The following PCDHGA5 variants were observed in gnomAD, a reference collection of about 807,000 sequenced individuals.
PCDHGA5 encodes the protein protocadherin gamma subfamily A, 5, also known as protocadherin gamma-A5.
Under a neutral mutation model 56.7 loss-of-function variants are expected in PCDHGA5, and 36 were observed. That is an observed-to-expected ratio of 0.64 (90% CI 0.49 to 0.84). The LOEUF is 0.84. PCDHGA5 is among the 40% of genes least tolerant of loss of function. PCDHGA5 has a pLI of 0.00. For synonymous variants in PCDHGA5, 563 were observed against 520.2 expected (o/e 1.08, Z -1.12); for missense variants, 1,305 against 1,201.5 (o/e 1.09, Z -1.27).
Position 141,490,070 on chromosome 5 carries a change from T to C in PCDHGA5, c.2422-4737T>C, listed in dbSNP as rs2099695766. ...CCAGACGAGGGCACCAACGGCCAAC[T>C]AGACTATTCTTTTGGAGACCACACA... On this transcript the variant is annotated intron_variant, in intron 1 of 3. Transcript: ENST00000518069. The surrounding 1 kb of genome is among the most constrained non-coding windows in gnomAD (Gnocchi z 5.4). The C allele has an allele frequency of 6.2e-7, 1 of 1,614,198 alleles. No individual in the cohort carries two copies.
chr5:141,375,160 T>G (rs373409677), intron 1 of PCDHGA5: 1 of 1,613,854 alleles, frequency 6.2e-7, no homozygotes, highest in African/African-American at 1.3e-5. Flanking sequence ...TTGCTGAAAG[T>G]GCACCTCCAG....
chr5:141,396,295 AG>A (rs1561657375), intron 1 of PCDHGA5: 1 of 151,978 alleles, frequency 6.6e-6, no homozygotes, highest in African/African-American at 2.4e-5. Flanking sequence ...ACTCCAGCCT[AG>A]GTGGCAGAAC....
rs773840884 is a variant in PCDHGA5 at position 141,372,185 on chromosome 5, C to A, written c.2421+5434C>A. 4 of 1,613,630 alleles carry A rather than the reference C, an allele frequency of 2.5e-6. No individual in the cohort carries two copies. The South Asian group carries it at 4.4e-5, about 18-fold the overall frequency. The stretch of plus-strand genomic sequence containing the variant: ...CCAAGGTGGTGGCGGTGGACGCAGA[C>A]TCGGGATACAACGCCTGGCTGTCCT... On this transcript the variant is annotated intron_variant, in intron 1 of 3. Transcript: ENST00000518069.
At chr5:141,393,972 C>G in intron 1 of PCDHGA5, 1 of 1,613,790 alleles carries the variant, frequency 6.2e-7, no homozygotes, top group South Asian at 1.1e-5. Flanking sequence ...CTGTTACACA[C>G]GTGATAATTT....
rs61612330 is a variant in PCDHGA5, at chr5:141,454,796, A to ATTTTTTTTTTTTTTTTT, written c.2422-39998_2422-39982dup. Among the ~76,000 whole-genome samples the ATTTTTTTTTTTTTTTTT allele has an allele frequency of 1.9e-3, 147 of 77,454 alleles. 11 individuals carry two copies. Among genetic ancestry groups the ATTTTTTTTTTTTTTTTT allele is most frequent in the Middle Eastern group, 0.017 (2 of 120 alleles). 50.8% of individuals were successfully genotyped at this position (77,454 alleles called of 152,430 possible). ...AAGGAAATAATCCTCCATGGTTCTA[A>ATTTTTTTTTTTTTTTTT]TTTTTTTTTTTTTTTTTTTTTTTTT... On this transcript the variant is annotated intron_variant, in intron 1 of 3. Coordinates refer to ENST00000518069, the MANE Select transcript of PCDHGA5 (RefSeq NM_018918.3).
chr5:141,415,594 G>A (rs753362668), intron 1 of PCDHGA5: 1 of 1,613,866 alleles, frequency 6.2e-7, no homozygotes, highest in Non-Finnish European at 8.5e-7. Context: ...TCCTATAGAG[G>A]ATACCCCATT....
chr5:141,394,018 A>T (rs2092900242), intron 1 of PCDHGA5: 1 of 1,613,496 alleles, frequency 6.2e-7, no homozygotes. Flanking sequence ...GGTAATTATT[A>T]TAGATTAGTG....
chr5:141,438,054 T>C (rs1451843979), intron 1 of PCDHGA5, among the ~76,000 whole-genome samples: 2 of 152,182 alleles, frequency 1.3e-5, no homozygotes, highest in African/African-American at 4.8e-5. Flanking sequence ...TTGAGTTCAC[T>C]TTTAAGAAAC....
intron 1 of PCDHGA5, chr5:141,383,737 T>TC: frequency 6.2e-7 from 1 of 1,613,998 alleles, no homozygotes; most frequent in Non-Finnish European, 8.5e-7. Flanking sequence ...AGTGACATAT[T>TC]CTTTTCGGAA....
At chr5:141,389,304 GCTT>G (rs762969573) in intron 1 of PCDHGA5, 2 of 1,614,006 alleles carry the variant, frequency 1.2e-6, no homozygotes, top group Non-Finnish European at 1.7e-6. Context: ...ACAAGTCAGG[GCTT>G]CTGATCCGGA....
chr5:141,489,229 G>A lies in PCDHGA5; in HGVS notation c.2422-5578G>A, dbSNP rs1188849525. 5.9e-6 allele frequency: 9 copies of A among 1,522,134 alleles called. No homozygotes were observed. In the Admixed American group the frequency reaches 6.4e-5, roughly 11 times the overall value. 94.3% of individuals were successfully genotyped at this position (1,522,134 alleles called of 1,614,324 possible). On this transcript the variant is annotated intron_variant, in intron 1 of 3. Transcript: ENST00000518069. The surrounding 1 kb of genome is among the most constrained non-coding windows in gnomAD (Gnocchi z 4.5). The stretch of plus-strand genomic sequence containing the variant: ...AGCACAGACTTACTCTCCACAAAGG[G>A]ACTTCTGGGTCATGGGGCCCAAGAC...
chr5:141,422,355 T>A, intron 1 of PCDHGA5: 1 of 1,557,416 alleles, frequency 6.4e-7, no homozygotes, highest in Non-Finnish European at 8.6e-7. Flanking sequence ...AAGATCAAGA[T>A]TCTGGAGAAA....
chr5:141,501,290 TACACACACAC>T (rs55762287), intron 2 of PCDHGA5, among the ~76,000 whole-genome samples: 44 of 136,248 alleles, frequency 3.2e-4, no homozygotes, highest in Admixed American at 7.8e-4. Context: ...TATTCCCTTA[TACACACACAC>T]ACACACACAC....
At chr5:141,384,312 T>A in intron 1 of PCDHGA5, 1 of 1,613,806 alleles carries the variant, frequency 6.2e-7, no homozygotes. Flanking sequence ...GGGCCTCCAT[T>A]TTCTTAGTGA....
chr5:141,470,721 AG>A (rs948288535), intron 1 of PCDHGA5, among the ~76,000 whole-genome samples: 2 of 152,098 alleles, frequency 1.3e-5, no homozygotes, highest in African/African-American at 4.8e-5. Flanking sequence ...TTTTTGAGTC[AG>A]GGTCTTGCTC....
At chr5:141,374,686 C>T (rs765389244) in intron 1 of PCDHGA5, 5 of 1,609,642 alleles carry the variant, frequency 3.1e-6, no homozygotes, top group Non-Finnish European at 4.2e-6. Flanking sequence ...GCACACTGGA[C>T]CGGGAAGGAG....
intron 1 of PCDHGA5, chr5:141,427,848 C>A: frequency 6.4e-7 from 1 of 1,551,668 alleles, no homozygotes; most frequent in Non-Finnish European, 8.8e-7. Flanking sequence ...CGACCACGAG[C>A]AGCTGTGCGC....
chr5:141,371,438 CCTGGCTT>C (rs750409810), intron 1 of PCDHGA5: 1 of 1,613,882 alleles, frequency 6.2e-7, no homozygotes, highest in Non-Finnish European at 8.5e-7. Context: ...CGGAGATAAC[CCTGGCTT>C]CTGAATCCCA....
chr5:141,499,402 A>G (rs2099791723), intron 2 of PCDHGA5, among the ~76,000 whole-genome samples: 2 of 152,212 alleles, frequency 1.3e-5, no homozygotes, highest in South Asian at 4.1e-4. Context: ...GTACATGCTC[A>G]TTATAGAAAC....
Sources: allele counts gnomAD v4.1 joint callset (sites outside exome capture counted in the v4.1 genomes callset), GRCh38; gene constraint gnomAD v4.1.1; non-coding constraint Gnocchi (gnomAD v3.1); transcripts MANE v1.5; gene names NCBI Gene and HGNC (gene_info 2026-07-23, HGNC 2026-07-21).